The following CLVS1 variants were observed in gnomAD, a reference collection of about 807,000 sequenced individuals.
CLVS1 encodes clavesin-1.
Under a neutral mutation model 33.1 loss-of-function variants are expected in CLVS1, and 10 were observed. The observed-to-expected ratio is 0.30, with a 90% CI of 0.19 to 0.51. The LOEUF (loss-of-function observed/expected upper bound fraction) is 0.51. Among genes scored for constraint, CLVS1 ranks in the 20% least tolerant of loss-of-function variants. The probability of loss-of-function intolerance (pLI) is 0.97; values close to 1 mark genes in which losing one functional copy is unlikely to be tolerated. For synonymous variants in CLVS1, 163 were observed against 166.1 expected (o/e 0.98, Z 0.14); for missense variants, 343 against 433.4 (o/e 0.79, Z 1.85).
At chr8:61,209,127 C>T (rs956091758) in intron 2 of CLVS1, among the ~76,000 whole-genome samples, 1 of 152,164 alleles carries the variant, frequency 6.6e-6, no homozygotes, top group South Asian at 2.1e-4. Context: ...AAATATCAAC[C>T]TTTCTGCACA....
chr8:61,037,279 C>T, the CLVS1 span, among the ~76,000 whole-genome samples: 3 of 152,276 alleles, frequency 2.0e-5, no homozygotes, highest in South Asian at 2.1e-4. Context: ...TAAACAACAA[C>T]TCCTCACTCC....
At position 61,250,694 on chromosome 8, in the gene CLVS1, T is replaced by C. The variant is rs185400302; in HGVS notation, c.-151-48983T>C. ...CTTAATAGCAATTGTGAATGGGAAT[T>C]CACTCATGATTTGGCTCTCTGTTTG... On this transcript the variant is annotated intron_variant, in intron 2 of 2. Coordinates refer to the CLVS1 transcript ENST00000522621. Among the ~76,000 whole-genome samples the C allele has an allele frequency of 9.8e-5, 15 of 152,308 alleles. No homozygotes were observed. The East Asian group carries it at 2.7e-3, about 27-fold the overall frequency.
intron 2 of CLVS1, among the ~76,000 whole-genome samples, chr8:61,302,027 C>T (rs1810456856): frequency 1.3e-5 from 2 of 152,264 alleles, no homozygotes; most frequent in Admixed American, 6.5e-5. Flanking sequence ...TATCAACCCC[C>T]ATAACCATTA....
intron 5 of CLVS1, among the ~76,000 whole-genome samples, chr8:61,479,500 G>A (rs950294257): frequency 1.3e-5 from 2 of 152,076 alleles, no homozygotes; most frequent in East Asian, 3.9e-4. Context: ...TTTTTTTCAA[G>A]GTTTTTAACT....
chr8:61,260,455 G>A (rs1446170095), intron 2 of CLVS1, among the ~76,000 whole-genome samples: 2 of 152,198 alleles, frequency 1.3e-5, no homozygotes, highest in African/African-American at 4.8e-5. Context: ...GCAGACATCT[G>A]TTCTCCCTCT....
intron 2 of CLVS1, among the ~76,000 whole-genome samples, chr8:61,197,191 G>A (rs1165082997): frequency 6.6e-6 from 1 of 152,088 alleles, no homozygotes; most frequent in Admixed American, 6.5e-5. Context: ...ATTTTTATTT[G>A]ATTTTTGTAT....
chr8:61,237,365 A>C (rs1032395573), intron 2 of CLVS1, among the ~76,000 whole-genome samples: 2 of 152,150 alleles, frequency 1.3e-5, no homozygotes, highest in African/African-American at 4.8e-5. Flanking sequence ...GGAGGATCCC[A>C]TGAGCCCAGG....
At chr8:61,116,464 G>T (rs530616713) in intron 1 of CLVS1, among the ~76,000 whole-genome samples, 2 of 152,186 alleles carry the variant, frequency 1.3e-5, no homozygotes, top group Non-Finnish European at 2.9e-5. Flanking sequence ...GTTCTGAAAG[G>T]TAATGCCTAG....
chr8:61,203,025 C>CA, intron 2 of CLVS1: 2 of 1,331,842 alleles, frequency 1.5e-6, no homozygotes, highest in Non-Finnish European at 2.1e-6. Flanking sequence ...AAGAATCTTT[C>CA]AAAAAACAGG....
chr8:61,394,430 A>G (rs371513498), intron 3 of CLVS1, among the ~76,000 whole-genome samples: 7 of 152,260 alleles, frequency 4.6e-5, no homozygotes, highest in Admixed American at 2.0e-4. Context: ...CTAGAAGAGC[A>G]TGTAGAGAAA....
At chr8:61,202,214 A>T (rs904648038) in intron 2 of CLVS1, 1 of 453,906 alleles carries the variant, frequency 2.2e-6, no homozygotes, top group Middle Eastern at 6.8e-4. Flanking sequence ...CATAAAGTAC[A>T]TTGATTTCTT....
intron 2 of CLVS1, among the ~76,000 whole-genome samples, chr8:61,368,261 A>G (rs191709364): frequency 7.2e-5 from 11 of 152,350 alleles, no homozygotes; most frequent in Non-Finnish European, 1.5e-4. Context: ...ATCCAGGCAG[A>G]TTGGAATTTA....
At chr8:61,307,436 C>G (rs1215939594) in intron 2 of CLVS1, among the ~76,000 whole-genome samples, 1 of 151,984 alleles carries the variant, frequency 6.6e-6, no homozygotes, top group Non-Finnish European at 1.5e-5. Flanking sequence ...CCCCAGAATA[C>G]AGAGCAAGGG....
chr8:61,352,332 A>G (rs1272016237), intron 2 of CLVS1, among the ~76,000 whole-genome samples: 1 of 152,058 alleles, frequency 6.6e-6, no homozygotes, highest in Non-Finnish European at 1.5e-5. Context: ...CTCAAAGGAA[A>G]GGAAGAAAAC....
Position 61,499,672 on chromosome 8 carries a change from C to T in CLVS1, c.*130C>T, listed in dbSNP as rs899389944. 1 of 557,300 alleles carries T rather than the reference C, an allele frequency of 1.8e-6. No homozygotes were observed. Among genetic ancestry groups the T allele is most frequent in the Non-Finnish European group, 3.2e-6 (1 of 310,850 alleles). The allele number at this position is 557,300 out of a possible 1,614,324, so 34.5% of individuals were successfully genotyped here. A position where few individuals can be genotyped will look rare whatever the true frequency, so the allele number is the denominator to read the frequency against. On this transcript the variant is annotated 3_prime_UTR_variant, in exon 6 of 6. Transcript: ENST00000325897. ...CACAAGGTCCTCCACTCCTGAACCCCTGCAGTGACTGTCACCAGCCATCGG... is the reference window on the plus strand; with the variant it reads ...CACAAGGTCCTCCACTCCTGAACCCTTGCAGTGACTGTCACCAGCCATCGG...
intron 2 of CLVS1, among the ~76,000 whole-genome samples, chr8:61,227,817 T>C (rs1808360559): frequency 6.6e-6 from 1 of 152,160 alleles, no homozygotes; most frequent in East Asian, 1.9e-4. Context: ...TGTGAGGGGT[T>C]TTCCTGGGCA....
intron 2 of CLVS1, among the ~76,000 whole-genome samples, chr8:61,226,863 G>C (rs1808341267): frequency 6.6e-6 from 1 of 152,172 alleles, no homozygotes; most frequent in Non-Finnish European, 1.5e-5. Flanking sequence ...AGAGGATGGT[G>C]CAGCTGCAGT....
chr8:61,040,309 A>G, the CLVS1 span, among the ~76,000 whole-genome samples: 1 of 152,154 alleles, frequency 6.6e-6, no homozygotes, highest in Non-Finnish European at 1.5e-5. Context: ...GAACATATTC[A>G]TGCATGTGTA....
chr8:61,470,007 A>G (rs1479225210), intron 5 of CLVS1, among the ~76,000 whole-genome samples: 2 of 152,246 alleles, frequency 1.3e-5, no homozygotes, highest in African/African-American at 2.4e-5. Context: ...ATAAATTCCC[A>G]GTGTTTAATG....
Sources: allele counts gnomAD v4.1 joint callset (sites outside exome capture counted in the v4.1 genomes callset), GRCh38; gene constraint gnomAD v4.1.1; transcripts MANE v1.5; gene names NCBI Gene and HGNC (gene_info 2026-07-23, HGNC 2026-07-21).